Variants in AKAP3 observed in about 807,000 individuals in gnomAD.
The protein encoded by AKAP3 is A-kinase anchoring protein 3.
In AKAP3, 27 loss-of-function variants were observed where a neutral mutation model predicts 57.2. That is an observed-to-expected ratio of 0.47 (90% confidence interval 0.35 to 0.65). AKAP3 has a LOEUF of 0.65. Among genes scored for constraint, AKAP3 ranks in the 30% least tolerant of loss-of-function variants. AKAP3 has a pLI of 0.01. For missense variants in AKAP3, 959 were observed against 1,040.0 expected, an observed-to-expected ratio of 0.92 and a Z score of 1.07; for synonymous variants, 334 against 392.3, an observed-to-expected ratio of 0.85 and a Z score of 1.76.
intron 4 of AKAP3, among the ~76,000 whole-genome samples, chr12:4,631,134 A>G (rs1464883521): frequency 6.6e-6 from 1 of 152,024 alleles, no homozygotes; most frequent in Non-Finnish European, 1.5e-5. Flanking sequence ...CCTCTCTACT[A>G]ATTTTGTTTT....
intron 5 of AKAP3, among the ~76,000 whole-genome samples, chr12:4,617,773 T>G (rs1945303860): frequency 6.7e-6 from 1 of 149,092 alleles, no homozygotes; most frequent in Non-Finnish European, 1.5e-5. Flanking sequence ...AAAAAAGTGT[T>G]TTAAGGTTGA....
intron 3 of AKAP3, 47 bp from the exon 4 acceptor site, chr12:4,638,243 T>C (rs1565558178): frequency 3.0e-6 from 4 of 1,338,746 alleles, no homozygotes; most frequent in Non-Finnish European, 2.1e-6. Context: ...CAAGGGCAGA[T>C]TTTATGAAAG....
At chr12:4,619,195 T>A (rs902048324) in intron 5 of AKAP3, among the ~76,000 whole-genome samples, 2 of 152,208 alleles carry the variant, frequency 1.3e-5, no homozygotes, top group African/African-American at 4.8e-5. Flanking sequence ...CTGAAACCTG[T>A]GCAAATTACT....
Position 4,615,613 on chromosome 12 carries a change from G to C in AKAP3, c.*126C>G, listed in dbSNP as rs902426135. ...GCACAAGATGACATGTCTTTGATGA[G>C]AGTGGTGTGAAGATAATGTTAGGGC... On this transcript the variant is annotated 3_prime_UTR_variant, in exon 6 of 6. Coordinates refer to ENST00000228850, the MANE Select transcript of AKAP3 (RefSeq NM_001278309.2). 2 of 1,201,878 alleles carry C rather than the reference G, an allele frequency of 1.7e-6. No homozygotes were observed. The highest frequency in any genetic ancestry group is 3.1e-5 in the African/African-American group (2 of 65,376). 74.5% of individuals were successfully genotyped at this position (1,201,878 alleles called of 1,614,324 possible).
At chr12:4,619,575 A>C (rs1945322503) in intron 5 of AKAP3, among the ~76,000 whole-genome samples, 1 of 140,322 alleles carries the variant, frequency 7.1e-6, no homozygotes, top group African/African-American at 3.0e-5. Context: ...CAACAACAAC[A>C]AAAAAACATA....
chr12:4,627,841 A>T lies in AKAP3; in HGVS notation c.1061T>A (p.Phe354Tyr), dbSNP rs1315721090. 6.2e-7 allele frequency: 1 copy of T among 1,614,160 alleles called. No individual in the cohort carries two copies. ...GACAGTTCTTTTCACAGCCGAGACA[A>T]ACTGTGTGTCAGTCATGAGGGTCCC... ...VTGTLMTDTQ[F>Y]VSAVKRTVFS... The change falls in exon 5 of 6, where the codon TTT becomes TAT. Residue 354 changes from phenylalanine (F) to tyrosine (Y), a missense_variant. Coordinates refer to ENST00000228850, the MANE Select transcript of AKAP3 (RefSeq NM_001278309.2).
chr12:4,622,111 T>G (rs1045345896), intron 5 of AKAP3, among the ~76,000 whole-genome samples: 1 of 152,160 alleles, frequency 6.6e-6, no homozygotes, highest in African/African-American at 2.4e-5. Flanking sequence ...TACAAAACAC[T>G]GCTCGAAGAA....
At chr12:4,618,441 C>T (rs1034619855) in intron 5 of AKAP3, among the ~76,000 whole-genome samples, 1 of 152,174 alleles carries the variant, frequency 6.6e-6, no homozygotes, top group Non-Finnish European at 1.5e-5. Flanking sequence ...TGAATTTGGA[C>T]TCCTACCTCA....
In AKAP3 at chr12:4,628,031, T is replaced by G. The variant is rs535694364; in HGVS notation, c.871A>C (p.Ser291Arg). Residue 291 changes from serine to arginine, a missense_variant, in exon 5 of 6, where the codon AGT (serine) becomes CGT (arginine). Ser to Arg is a moderately radical substitution (Grantham distance 110). Coordinates refer to ENST00000228850, the MANE Select transcript of AKAP3 (RefSeq NM_001278309.2). ...VSEGIMTYANSVVSDMMVSIM... is the reference protein window; with the variant it reads ...VSEGIMTYANRVVSDMMVSIM... ...GAGACCATCATATCAGATACCACAC[T>G]GTTAGCATAGGTCATGATCCCTTCA... 8.7e-6 allele frequency: 14 copies of G among 1,614,146 alleles called. No individual in the cohort carries two copies. Among genetic ancestry groups the G allele is most frequent in the South Asian group, 2.2e-5 (2 of 91,084 alleles).
intron 5 of AKAP3, among the ~76,000 whole-genome samples, chr12:4,616,915 T>G (rs1453351873): frequency 1.3e-5 from 2 of 152,034 alleles, no homozygotes; most frequent in African/African-American, 4.8e-5. Context: ...TCTGAAGAAA[T>G]AATAGATGAG....
Position 4,645,874 on chromosome 12 carries a change from GAGTA to G in AKAP3, c.-244-686_-244-683del, listed in dbSNP as rs1466530227. On this transcript the variant is annotated intron_variant, in intron 1 of 5. Coordinates refer to ENST00000228850, the MANE Select transcript of AKAP3 (RefSeq NM_001278309.2). ...CCAATGGATTCCACTTAAAGCAGCA[GAGTA>G]AGTATTATGTATTAACAAATCTAGA... The G allele has an allele frequency of 3.9e-5, 6 of 152,276 alleles. No homozygotes were observed. The East Asian group carries it at 7.7e-4, about 20-fold the overall frequency. The allele number at this position is 152,276 out of a possible 1,614,324, so 9.4% of individuals were successfully genotyped here.
At chr12:4,622,116 G>A (rs1473578195) in intron 5 of AKAP3, among the ~76,000 whole-genome samples, 1 of 152,024 alleles carries the variant, frequency 6.6e-6, no homozygotes, top group East Asian at 1.9e-4. Context: ...AACACTGCTC[G>A]AAGAAATCGG....
chr12:4,620,403 G>C (rs756691220), intron 5 of AKAP3, among the ~76,000 whole-genome samples: 3 of 150,654 alleles, frequency 2.0e-5, no homozygotes, highest in South Asian at 2.1e-4. Flanking sequence ...CTTGAACCTG[G>C]GGGGCGGAGG....
intron 5 of AKAP3, among the ~76,000 whole-genome samples, chr12:4,616,667 AAT>A (rs968204324): frequency 3.5e-4 from 54 of 152,338 alleles, no homozygotes; most frequent in African/African-American, 1.2e-3. Flanking sequence ...CAAAATATAA[AAT>A]AAAAACCTGT....
intron 5 of AKAP3, among the ~76,000 whole-genome samples, chr12:4,618,428 T>C (rs762109035): frequency 6.6e-6 from 1 of 152,210 alleles, no homozygotes; most frequent in Non-Finnish European, 1.5e-5. Context: ...ATATGCAAGA[T>C]ATTGAATTTG....
Position 4,645,061 on chromosome 12 carries a change from A to G in AKAP3, c.-113T>C, listed in dbSNP as rs1945682710. 6.6e-6 allele frequency: 1 copy of G among 152,240 alleles called. No individual in the cohort carries two copies. The highest frequency in any genetic ancestry group is 2.4e-5 in the African/African-American group (1 of 41,460). 9.4% of individuals were successfully genotyped at this position (152,240 alleles called of 1,614,324 possible). A position where few individuals can be genotyped will look rare whatever the true frequency, so the allele number is the denominator to read the frequency against. Reference sequence around the variant, plus strand: ...GTCCAGTAAGATTACCTACCTCTGTAGTACTGGAATAGTGAACCACGGAAG... The same window carrying G: ...GTCCAGTAAGATTACCTACCTCTGTGGTACTGGAATAGTGAACCACGGAAG... On this transcript the variant is annotated 5_prime_UTR_variant, in exon 2 of 6. Coordinates refer to ENST00000228850, the MANE Select transcript of AKAP3 (RefSeq NM_001278309.2).
chr12:4,646,822 G>A (rs551869356), intron 1 of AKAP3, among the ~76,000 whole-genome samples: 55 of 151,654 alleles, frequency 3.6e-4, no homozygotes, highest in African/African-American at 1.2e-3. Flanking sequence ...CTCAACTCTC[G>A]CCCAGGCTGG....
rs2137430025 is a variant in AKAP3 at position 4,625,017 on chromosome 12, A to G, written c.2406+1479T>C. Among the ~76,000 whole-genome samples, 1 of 151,396 alleles carries G rather than the reference A, an allele frequency of 6.6e-6. No homozygotes were observed. Among genetic ancestry groups the G allele is most frequent in the East Asian group, 2.0e-4 (1 of 5,026 alleles). On this transcript the variant is annotated intron_variant, in intron 5 of 5. Coordinates refer to ENST00000228850, the MANE Select transcript of AKAP3 (RefSeq NM_001278309.2). The surrounding 1 kb of genome is among the most constrained non-coding windows in gnomAD (Gnocchi z 5.4). Reference sequence around the variant, plus strand: ...CTCACACATTACACACCTGAAAGCTATGCTTACTTTTAGATTTTTTTCATC... The same window carrying G: ...CTCACACATTACACACCTGAAAGCTGTGCTTACTTTTAGATTTTTTTCATC...
At chr12:4,646,877 G>C (rs1238565241) in intron 1 of AKAP3, among the ~76,000 whole-genome samples, 1 of 151,978 alleles carries the variant, frequency 6.6e-6, no homozygotes, top group Non-Finnish European at 1.5e-5. Flanking sequence ...CCGCTTCCCA[G>C]GTTCAAGTGA....
Sources: allele counts gnomAD v4.1 joint callset (sites outside exome capture counted in the v4.1 genomes callset), GRCh38; gene constraint gnomAD v4.1.1; non-coding constraint Gnocchi (gnomAD v3.1); transcripts MANE v1.5; gene names NCBI Gene and HGNC (gene_info 2026-07-23, HGNC 2026-07-21).